The following SFMBT2 variants were observed in gnomAD, a reference collection of about 807,000 sequenced individuals.
The protein encoded by SFMBT2 is scm-like with four MBT domains protein 2.
SFMBT2 carries 38 observed loss-of-function variants against 110.1 expected under a neutral mutation model. That is an observed-to-expected ratio of 0.35 (90% CI 0.27 to 0.45). The LOEUF is 0.45. SFMBT2 is among the 20% of genes least tolerant of loss of function. The probability of loss-of-function intolerance (pLI) is 1.00; values close to 1 mark genes in which losing one functional copy is unlikely to be tolerated. For missense variants in SFMBT2, 1,011 were observed against 1,094.9 expected, an observed-to-expected ratio of 0.92 and a Z score of 1.08; for synonymous variants, 425 against 425.4, an observed-to-expected ratio of 1.00 and a Z score of 0.01.
At chr10:7,315,872 T>C (rs1250614975) in intron 4 of SFMBT2, among the ~76,000 whole-genome samples, 22 of 152,188 alleles carry the variant, frequency 1.4e-4, no homozygotes, top group Non-Finnish European at 1.5e-5. Flanking sequence ...GTAAAACCTG[T>C]ACAACAGCAC....
At position 7,220,399 on chromosome 10, in the gene SFMBT2, G is replaced by GC. The variant is rs1648678987; in HGVS notation, c.1330+11dup. 35 of 1,611,806 alleles carry GC rather than the reference G, an allele frequency of 2.2e-5. No individual in the cohort carries two copies. The highest frequency in any genetic ancestry group is 3.0e-5 in the Non-Finnish European group (35 of 1,178,628). ...TTCCCCCCAGCGACTGCTACCCCCA[G>GC]CGAGTACGTACCTTCCAGGTGAAGC... is the stretch of plus-strand genomic sequence containing the variant. On this transcript the variant is annotated intron_variant, in intron 11 of 20. Coordinates refer to ENST00000397167, the MANE Select transcript of SFMBT2 (RefSeq NM_001387889.1).
chr10:7,383,125 G>A lies in SFMBT2; in HGVS notation c.-51-1176C>T, dbSNP rs142266579. ...AGAAACAAAAGAATATAATGCACCT[G>A]TATCTATCAATGGGATATTTTGTGA... On this transcript the variant is annotated intron_variant, in intron 1 of 20. Transcript: ENST00000397167. 1.6e-3 allele frequency among the ~76,000 whole-genome samples: 250 copies of A among 152,280 alleles called. 3 individuals carry two copies. Among genetic ancestry groups the A allele is most frequent in the African/African-American group, 5.6e-3 (233 of 41,536 alleles).
At chr10:7,166,191 C>T (rs1443924742) in intron 20 of SFMBT2, among the ~76,000 whole-genome samples, 2 of 152,158 alleles carry the variant, frequency 1.3e-5, no homozygotes, top group African/African-American at 4.8e-5. Flanking sequence ...TTTTACTTTC[C>T]CAGGAAGTTT....
In SFMBT2 at chr10:7,243,627, C is replaced by T. The variant is rs1369278861; in HGVS notation, c.1051G>A (p.Ala351Thr). ...EPSKLSMLCH[A>T]DSLGILPVQW... ...ACTGGCAAAATCCCCAAAGAATCTG[C>T]ATGGCACAGCATTGACAGTTTACTT... Residue 351 changes from alanine (A) to threonine (T), a missense_variant, in exon 9 of 21, where the codon GCA becomes ACA. Ala to Thr is a moderately conservative substitution (Grantham distance 58). Around this residue, in one of 2 missense-constraint regions of SFMBT2, gnomAD observed 979 missense variants for 1,016.1 expected, o/e 0.96. Transcript: ENST00000397167. The T allele has an allele frequency of 1.8e-5, 16 of 872,768 alleles. No individual in the cohort carries two copies. Among genetic ancestry groups the T allele is most frequent in the Non-Finnish European group, 3.0e-5 (15 of 501,664 alleles). 54.1% of individuals were successfully genotyped at this position (872,768 alleles called of 1,614,324 possible). A position where few individuals can be genotyped will look rare whatever the true frequency, so the allele number is the denominator to read the frequency against.
chr10:7,317,191 T>A (rs1212193676), intron 4 of SFMBT2, among the ~76,000 whole-genome samples: 3 of 151,884 alleles, frequency 2.0e-5, no homozygotes, highest in Non-Finnish European at 4.4e-5. Flanking sequence ...TGGCCCACAC[T>A]AAATCCATGG....
Position 7,381,946 on chromosome 10 carries a change from T to C in SFMBT2, c.-48A>G. 3 of 1,519,666 alleles carry C rather than the reference T, an allele frequency of 2.0e-6. 1 individual carries two copies. The South Asian group carries it at 3.9e-5, about 20-fold the overall frequency. 94.1% of individuals were successfully genotyped at this position (1,519,666 alleles called of 1,614,324 possible). A position where few individuals can be genotyped will look rare whatever the true frequency, so the allele number is the denominator to read the frequency against. ...CTCTTAATTCATCCTGCAGAAAAAATTACCTAAGAGCAATCAAAAAAAAAA... is the reference window on the plus strand; with the variant it reads ...CTCTTAATTCATCCTGCAGAAAAAACTACCTAAGAGCAATCAAAAAAAAAA... On this transcript the variant is annotated 5_prime_UTR_variant, in exon 2 of 21. Coordinates refer to ENST00000397167, the MANE Select transcript of SFMBT2 (RefSeq NM_001387889.1).
chr10:7,410,938 G>A lies in SFMBT2; in HGVS notation c.-129C>T, dbSNP rs1461513304. Among the ~76,000 whole-genome samples, 2 of 151,406 alleles carry A rather than the reference G, an allele frequency of 1.3e-5. No homozygotes were observed. Among genetic ancestry groups the A allele is most frequent in the Non-Finnish European group, 3.0e-5 (2 of 67,782 alleles). On this transcript the variant is annotated 5_prime_UTR_variant, in exon 1 of 21. Coordinates refer to ENST00000397167, the MANE Select transcript of SFMBT2 (RefSeq NM_001387889.1). ...GGGAGGGCACCGGCCTCGCTCGCTT[G>A]CTCGCTCGCCCGCCCTTGCCCGCTC...
chr10:7,323,970 A>G (rs1442463382), intron 4 of SFMBT2, among the ~76,000 whole-genome samples: 1 of 152,232 alleles, frequency 6.6e-6, no homozygotes, highest in Non-Finnish European at 1.5e-5. Flanking sequence ...ATGGAATTCT[A>G]TATGGCTATT....
At chr10:7,354,011 C>T (rs555300972) in intron 4 of SFMBT2, among the ~76,000 whole-genome samples, 24 of 150,346 alleles carry the variant, frequency 1.6e-4, no homozygotes, top group East Asian at 7.8e-4. Context: ...CGCTCGAACC[C>T]GGGAGTTGGA....
chr10:7,172,594 T>A lies in SFMBT2; in HGVS notation c.2052A>T (p.Gly684=), dbSNP rs989610794. 9.9e-6 allele frequency: 16 copies of A among 1,614,118 alleles called. No homozygotes were observed. The highest frequency in any genetic ancestry group is 1.3e-5 in the Non-Finnish European group (15 of 1,180,050). ...PPIGESNPDS[G]HPKPARRRKR... is the part of the protein sequence containing the mutation. ...TCCTCCGCCTGGCGGGTTTGGGGTG[T>A]CCGCTGTCGGGGTTGCTTTCCCCGA... Residue 684 remains glycine, a synonymous_variant, in exon 18 of 21, where the codon GGA becomes GGT. Coordinates refer to ENST00000397167, the MANE Select transcript of SFMBT2 (RefSeq NM_001387889.1). This position sits in a 1 kb window ranked among gnomAD's most constrained non-coding sequence, Gnocchi z 4.6.
intron 7 of SFMBT2, among the ~76,000 whole-genome samples, chr10:7,271,305 A>T (rs1031765849): frequency 1.3e-5 from 2 of 151,686 alleles, no homozygotes; most frequent in Non-Finnish European, 2.9e-5. Context: ...AAAAAAAAAA[A>T]AAAAAATTAA....
chr10:7,176,219 C>T, intron 16 of SFMBT2, 54 bp from the exon 17 acceptor site: 2 of 1,572,076 alleles, frequency 1.3e-6, no homozygotes, highest in Non-Finnish European at 1.7e-6. Flanking sequence ...ATGATTCAGG[C>T]CTATTCTGTA....
chr10:7,169,827 T>G (rs1331806131), intron 20 of SFMBT2, among the ~76,000 whole-genome samples: 2 of 152,226 alleles, frequency 1.3e-5, no homozygotes, highest in African/African-American at 2.4e-5. Context: ...CAGCATCATA[T>G]GATCTTGTGT....
In SFMBT2 at chr10:7,227,889, C is replaced by G. The variant is rs200049993; in HGVS notation, c.1169G>C (p.Gly390Ala). Residue 390 changes from glycine (G) to alanine (A), a missense_variant, in exon 10 of 21, where the codon GGG becomes GCG. Around this residue, in one of 2 missense-constraint regions of SFMBT2, gnomAD observed 979 missense variants for 1,016.1 expected, o/e 0.96. Coordinates refer to ENST00000397167, the MANE Select transcript of SFMBT2 (RefSeq NM_001387889.1). The stretch of plus-strand genomic sequence containing the variant: ...GCAGAAGGGAGGGGCTTCCTGCGCC[C>G]CATGCTGCTTGTGATAATCTGCCCA... ...FDWADYHKQH[G>A]AQEAPPFCFR... is the part of the protein sequence containing the mutation. 2 of 1,609,570 alleles carry G rather than the reference C, an allele frequency of 1.2e-6. No homozygotes were observed. The highest frequency in any genetic ancestry group is 2.7e-5 in the African/African-American group (2 of 74,656).
intron 10 of SFMBT2, among the ~76,000 whole-genome samples, chr10:7,224,290 C>T (rs1043206663): frequency 4.6e-5 from 7 of 152,108 alleles, no homozygotes; most frequent in Non-Finnish European, 1.0e-4. Flanking sequence ...TTGAGTTCAC[C>T]TCTCCTAGGC....
chr10:7,222,933 G>A (rs1349801680), intron 10 of SFMBT2, among the ~76,000 whole-genome samples: 2 of 152,144 alleles, frequency 1.3e-5, no homozygotes, highest in African/African-American at 2.4e-5. Flanking sequence ...TGGGATTACA[G>A]GTGTGAGCCA....
intron 7 of SFMBT2, among the ~76,000 whole-genome samples, chr10:7,267,685 T>C (rs576580450): frequency 1.1e-4 from 16 of 152,292 alleles, no homozygotes; most frequent in African/African-American, 3.1e-4. Context: ...TTATGCATAA[T>C]TCCCTGCACT....
chr10:7,230,069 G>T (rs1385406558), intron 9 of SFMBT2, among the ~76,000 whole-genome samples: 1 of 151,782 alleles, frequency 6.6e-6, no homozygotes, highest in African/African-American at 2.4e-5. Context: ...AAGCAAAAAA[G>T]CAGCTGTGCT....
intron 4 of SFMBT2, among the ~76,000 whole-genome samples, chr10:7,335,057 G>A (rs976322905): frequency 1.3e-5 from 2 of 152,164 alleles, no homozygotes; most frequent in Non-Finnish European, 2.9e-5. Flanking sequence ...TGGGGATTTA[G>A]GCAAAGTTTG....
Sources: gnomAD v4.1 joint callset for allele counts (sites outside exome capture counted in the v4.1 genomes callset) on GRCh38, gnomAD v4.1.1 for gene constraint, gnomAD v4.1.1 regional missense constraint, Gnocchi (gnomAD v3.1) non-coding constraint, MANE v1.5 for transcripts, NCBI Gene and HGNC (gene_info 2026-07-23, HGNC 2026-07-21) for gene names.